The following AP3B1 variants were observed in gnomAD, a reference collection of about 807,000 sequenced individuals.
AP3B1 encodes the protein adaptor related protein complex 3 subunit beta 1.
Under a neutral mutation model 132.5 loss-of-function variants are expected in AP3B1, and 61 were observed. That is an observed-to-expected ratio of 0.46 (90% CI 0.37 to 0.57). AP3B1 has a LOEUF of 0.57. Among genes scored for constraint, AP3B1 ranks in the 20% least tolerant of loss-of-function variants. The pLI, the probability that AP3B1 is intolerant of heterozygous loss-of-function variation, is 0.00. For synonymous variants in AP3B1, 388 were observed against 438.3 expected, an observed-to-expected ratio of 0.89 and a Z score of 1.43; for missense variants, 1,120 against 1,289.4, an observed-to-expected ratio of 0.87 and a Z score of 2.01.
chr5:78,187,205 G>T (rs897100949), intron 7 of AP3B1, among the ~76,000 whole-genome samples: 1 of 152,058 alleles, frequency 6.6e-6, no homozygotes, highest in African/African-American at 2.4e-5. Context: ...GGCTAAAGTA[G>T]TTCTGTTAAG....
intron 24 of AP3B1, among the ~76,000 whole-genome samples, chr5:78,031,890 A>G (rs1747592442): frequency 1.3e-5 from 2 of 151,740 alleles, no homozygotes; most frequent in Admixed American, 6.6e-5. Flanking sequence ...GGACAAAAAC[A>G]TGTGCTCAGT....
rs558283729 is a variant in AP3B1, at chr5:78,050,463, T to C, written c.2578-11189A>G. On this transcript the variant is annotated intron_variant, in intron 22 of 26. Coordinates refer to ENST00000255194, the MANE Select transcript of AP3B1 (RefSeq NM_003664.5). ...TTGGTCATAACTATACATTATTTAA[T>C]GCTGAGTGCTCAATTATAACAGTGT... Among the ~76,000 whole-genome samples the C allele has an allele frequency of 4.0e-5, 6 of 151,884 alleles. No individual in the cohort carries two copies. In the South Asian group the frequency reaches 1.2e-3, roughly 31 times the overall value.
chr5:78,069,153 T>C (rs1014900219), intron 22 of AP3B1, among the ~76,000 whole-genome samples: 9 of 152,200 alleles, frequency 5.9e-5, no homozygotes, highest in Admixed American at 3.9e-4. Flanking sequence ...CCAATTATCA[T>C]ACTGAATGGG....
At chr5:78,262,216 A>C (rs1272303048) in intron 2 of AP3B1, among the ~76,000 whole-genome samples, 1 of 152,108 alleles carries the variant, frequency 6.6e-6, no homozygotes, top group East Asian at 1.9e-4. Flanking sequence ...GATGCACACA[A>C]GTTTTAATTT....
In AP3B1 at chr5:78,089,519, T is replaced by C. The variant is rs765861928; in HGVS notation, c.2471-20A>G. Reference sequence around the variant, plus strand: ...GGTTAACTGTAAGAAAAGGCCCAAATTAGTAAATGTGCATGAACGTTTAAT... The same window carrying C: ...GGTTAACTGTAAGAAAAGGCCCAAACTAGTAAATGTGCATGAACGTTTAAT... On this transcript the variant is annotated intron_variant, in intron 21 of 26. Transcript: ENST00000255194. 1.1e-5 allele frequency: 16 copies of C among 1,458,056 alleles called. No homozygotes were observed. The highest frequency in any genetic ancestry group is 1.7e-4 in the Middle Eastern group (1 of 5,746). The allele number at this position is 1,458,056 out of a possible 1,614,324, so 90.3% of individuals were successfully genotyped here. A position where few individuals can be genotyped will look rare whatever the true frequency, so the allele number is the denominator to read the frequency against.
chr5:78,194,127 T>C (rs905871379), intron 7 of AP3B1, among the ~76,000 whole-genome samples: 1 of 152,092 alleles, frequency 6.6e-6, no homozygotes, highest in Admixed American at 6.6e-5. Context: ...ATCTATGAAT[T>C]TGAAACAAAG....
intron 21 of AP3B1, among the ~76,000 whole-genome samples, chr5:78,097,351 G>A (rs1183858383): frequency 3.8e-5 from 5 of 130,932 alleles, no homozygotes; most frequent in Non-Finnish European, 6.7e-5. Flanking sequence ...TCAGCCCCCT[G>A]CCCGGCCAGC....
At chr5:78,132,133 A>G (rs1561429441) in intron 15 of AP3B1, among the ~76,000 whole-genome samples, 1 of 152,182 alleles carries the variant, frequency 6.6e-6, no homozygotes, top group Non-Finnish European at 1.5e-5. Flanking sequence ...GTGTATACTA[A>G]TATCAGTAAA....
At chr5:78,036,577 C>G (rs1225616588) in intron 23 of AP3B1, among the ~76,000 whole-genome samples, 1 of 151,970 alleles carries the variant, frequency 6.6e-6, no homozygotes. Context: ...TTAACCTATT[C>G]TTTGTGTCTT....
At chr5:78,037,898 G>C (rs988710814) in intron 23 of AP3B1, among the ~76,000 whole-genome samples, 1 of 151,968 alleles carries the variant, frequency 6.6e-6, no homozygotes, top group East Asian at 1.9e-4. Flanking sequence ...CAAAAAGAAA[G>C]AGATAGACAT....
In AP3B1 at chr5:78,230,947, A is replaced by G. The variant is rs1746622876; in HGVS notation, c.280-2708T>C. On this transcript the variant is annotated intron_variant, in intron 3 of 26. Coordinates refer to ENST00000255194, the MANE Select transcript of AP3B1 (RefSeq NM_003664.5). ...AGTATGGCCAACATGGTGAAACTCC[A>G]TCTCTACTAAAAATACAAAAAAATT... Among the ~76,000 whole-genome samples, 2 of 151,800 alleles carry G rather than the reference A, an allele frequency of 1.3e-5. 1 individual carries two copies. The highest frequency in any genetic ancestry group is 4.2e-4 in the South Asian group (2 of 4,812).
intron 3 of AP3B1, among the ~76,000 whole-genome samples, chr5:78,231,969 A>C (rs75425634): frequency 0.029 from 4,389 of 152,314 alleles, 214 homozygotes; most frequent in African/African-American, 0.1. Context: ...AAATTGAGAA[A>C]TCTATACAAT....
At chr5:78,035,602 C>T (rs1330843133) in intron 23 of AP3B1, among the ~76,000 whole-genome samples, 1 of 151,902 alleles carries the variant, frequency 6.6e-6, no homozygotes, top group Non-Finnish European at 1.5e-5. Flanking sequence ...GTAAGCATTA[C>T]AAGAGAGTAT....
At chr5:78,172,604 C>T (rs1467914150) in intron 11 of AP3B1, among the ~76,000 whole-genome samples, 3 of 152,066 alleles carry the variant, frequency 2.0e-5, no homozygotes, top group African/African-American at 7.2e-5. Context: ...TTTTTTAATG[C>T]ATCTATTTGA....
chr5:78,087,975 G>C (rs967313163), intron 22 of AP3B1, among the ~76,000 whole-genome samples: 4 of 152,100 alleles, frequency 2.6e-5, no homozygotes, highest in Non-Finnish European at 5.9e-5. Flanking sequence ...AGGAAAATGA[G>C]GTGTAAAAGT....
chr5:78,212,414 A>T (rs1745778048), intron 7 of AP3B1, among the ~76,000 whole-genome samples: 1 of 152,188 alleles, frequency 6.6e-6, no homozygotes, highest in Admixed American at 6.5e-5. Flanking sequence ...TGAATTCGGT[A>T]TTACAGGCAG....
At chr5:78,093,625 TAAG>T (rs1277247251) in intron 21 of AP3B1, among the ~76,000 whole-genome samples, 1 of 152,216 alleles carries the variant, frequency 6.6e-6, no homozygotes, top group Non-Finnish European at 1.5e-5. Flanking sequence ...GATTTAAGAA[TAAG>T]AAAAACTGAA....
intron 4 of AP3B1, 63 bp from the exon 5 acceptor site, chr5:78,227,595 C>G (rs1211722210): frequency 2.0e-6 from 3 of 1,537,896 alleles, no homozygotes; most frequent in East Asian, 2.3e-5. Context: ...ACATATCTTT[C>G]AGACACAGTT....
chr5:78,024,809 C>T (rs545433209), intron 24 of AP3B1, among the ~76,000 whole-genome samples: 187 of 151,068 alleles, frequency 1.2e-3, no homozygotes, highest in African/African-American at 4.2e-3. Context: ...GTTATCTACC[C>T]GCCTTGGCCT....
Sources: gnomAD v4.1 joint callset for allele counts (sites outside exome capture counted in the v4.1 genomes callset) on GRCh38, gnomAD v4.1.1 for gene constraint, MANE v1.5 for transcripts, NCBI Gene and HGNC (gene_info 2026-07-23, HGNC 2026-07-21) for gene names.